The following HACD3 variants were observed in gnomAD, a reference collection of about 807,000 sequenced individuals.
HACD3 encodes 3-hydroxyacyl-CoA dehydratase 3.
A neutral mutation model predicts 55.2 loss-of-function variants in HACD3; 30 were observed. The ratio of observed to expected loss-of-function variants is 0.54; its 90% CI spans 0.41 to 0.74. The LOEUF is 0.74. Among genes scored for constraint, HACD3 ranks in the 30% least tolerant of loss-of-function variants. HACD3 has a pLI of 0.00. For synonymous variants in HACD3, 141 were observed against 151.7 expected (o/e 0.93, Z 0.52); for missense variants, 363 against 440.1 (o/e 0.82, Z 1.57).
intron 1 of HACD3, among the ~76,000 whole-genome samples, chr15:65,539,794 C>T (rs537161625): frequency 9.9e-4 from 150 of 150,844 alleles, no homozygotes; most frequent in Admixed American, 3.9e-3. Flanking sequence ...GAAACAGAAC[C>T]ATCTTTATAG....
intron 5 of HACD3, 23 bp downstream of exon 5, chr15:65,558,754 T>A: frequency 6.3e-7 from 1 of 1,589,670 alleles, no homozygotes; most frequent in East Asian, 2.3e-5. Context: ...GCTGCCATGG[T>A]AGTTACCAGT....
At chr15:65,538,070 A>C (rs547479616) in intron 1 of HACD3, among the ~76,000 whole-genome samples, 15 of 150,256 alleles carry the variant, frequency 1.0e-4, no homozygotes, top group Admixed American at 4.0e-4. Context: ...GCTGATGGAA[A>C]TGTCAAGGAG....
At chr15:65,555,027 G>A in intron 3 of HACD3, 67 bp downstream of exon 3, 1 of 1,240,964 alleles carries the variant, frequency 8.1e-7, no homozygotes, top group Non-Finnish European at 1.2e-6. Context: ...TTAGTGAAAT[G>A]GGGAGCAGGG....
chr15:65,537,785 T>A (rs1298840440), intron 1 of HACD3, among the ~76,000 whole-genome samples: 1 of 5,230 alleles, frequency 1.9e-4, no homozygotes, highest in Non-Finnish European at 3.3e-4. Context: ...AGAGAGAGAC[T>A]CTGTCTCAAA....
At chr15:65,558,814 G>C in intron 5 of HACD3, 83 bp downstream of exon 5, 1 of 1,472,066 alleles carries the variant, frequency 6.8e-7, no homozygotes. Flanking sequence ...TGGCAGGAGA[G>C]CTAATGATTT....
chr15:65,543,597 C>T (rs551874888), intron 1 of HACD3, among the ~76,000 whole-genome samples: 3 of 152,180 alleles, frequency 2.0e-5, no homozygotes, highest in South Asian at 2.1e-4. Flanking sequence ...TTTTTAAATT[C>T]CTAGCTAGCC....
chr15:65,554,807 G>A (rs1046181176), intron 2 of HACD3, 80 bp from the exon 3 acceptor site: 1 of 984,352 alleles, frequency 1.0e-6, no homozygotes, highest in Admixed American at 2.0e-5. Flanking sequence ...CGCATACTTG[G>A]GAAAGAACTG....
At chr15:65,538,488 G>T (rs1596204031) in intron 1 of HACD3, among the ~76,000 whole-genome samples, 1 of 152,292 alleles carries the variant, frequency 6.6e-6, no homozygotes, top group Non-Finnish European at 1.5e-5. Flanking sequence ...GATAAAACTT[G>T]AAGGGATGAG....
chr15:65,547,144 TCTCA>T (rs2072085746), intron 1 of HACD3, among the ~76,000 whole-genome samples: 2 of 149,550 alleles, frequency 1.3e-5, no homozygotes, highest in Non-Finnish European at 3.0e-5. Flanking sequence ...TGAGACGGAG[TCTCA>T]CTCTGTCACC....
intron 5 of HACD3, among the ~76,000 whole-genome samples, chr15:65,558,960 G>A (rs994646529): frequency 2.0e-5 from 3 of 152,198 alleles, no homozygotes; most frequent in Non-Finnish European, 2.9e-5. Context: ...AGTACACCAA[G>A]GCTAGTGTAG....
chr15:65,568,169 G>C (rs150615589), intron 7 of HACD3, among the ~76,000 whole-genome samples: 1 of 151,778 alleles, frequency 6.6e-6, no homozygotes, highest in Non-Finnish European at 1.5e-5. Flanking sequence ...TGATCTACCC[G>C]CCTCGGCCTT....
chr15:65,556,634 A>G, intron 3 of HACD3, 105 bp from the exon 4 acceptor site: 1 of 1,198,940 alleles, frequency 8.3e-7, no homozygotes, highest in East Asian at 2.6e-5. Context: ...CCAGAGAAAG[A>G]AGGAGAATAA....
intron 1 of HACD3, among the ~76,000 whole-genome samples, chr15:65,543,973 A>G (rs944626389): frequency 1.4e-4 from 21 of 152,034 alleles, no homozygotes; most frequent in African/African-American, 4.8e-4. Flanking sequence ...TCAGGAGATC[A>G]AGACCATCCT....
intron 1 of HACD3, among the ~76,000 whole-genome samples, chr15:65,546,425 T>G (rs2072077845): frequency 6.6e-6 from 1 of 152,172 alleles, no homozygotes; most frequent in Admixed American, 6.5e-5. Context: ...GTATGATGTC[T>G]GCAGCTCATT....
intron 2 of HACD3, chr15:65,553,332 G>A (rs955172596): frequency 8.6e-5 from 13 of 151,614 alleles, no homozygotes; most frequent in African/African-American, 3.2e-4. Context: ...CACTCTAGAT[G>A]ATGTCTCAGG....
At chr15:65,559,515 G>A (rs567951094) in intron 5 of HACD3, among the ~76,000 whole-genome samples, 1 of 150,638 alleles carries the variant, frequency 6.6e-6, no homozygotes, top group South Asian at 2.1e-4. Context: ...TAAGGGAGGG[G>A]AAAGTTTTGG....
chr15:65,573,123 C>T (rs1297387612), intron 10 of HACD3, among the ~76,000 whole-genome samples: 2 of 151,912 alleles, frequency 1.3e-5, no homozygotes, highest in East Asian at 3.9e-4. Flanking sequence ...TAAAGCCTTC[C>T]ACCTCACAAT....
chr15:65,551,549 C>T lies in HACD3; in HGVS notation c.88-127C>T, dbSNP rs1337087765. On this transcript the variant is annotated intron_variant, in intron 1 of 10. Transcript: ENST00000261875. ...TGTGAATAAATGACTAAATATATTT[C>T]TGGGGGAGGCACAGAGTAGGAGTTT... The T allele has an allele frequency of 6.1e-6, 6 of 990,254 alleles. No individual in the cohort carries two copies. The South Asian group carries it at 6.9e-5, about 11-fold the overall frequency. 61.3% of individuals were successfully genotyped at this position (990,254 alleles called of 1,614,324 possible).
intron 3 of HACD3, among the ~76,000 whole-genome samples, chr15:65,555,679 A>G (rs142993903): frequency 6.6e-6 from 1 of 152,212 alleles, no homozygotes; most frequent in East Asian, 1.9e-4. Flanking sequence ...GGGACAGGAC[A>G]TGTAGACAAA....
Sources: gnomAD v4.1 joint callset for allele counts (sites outside exome capture counted in the v4.1 genomes callset) on GRCh38, gnomAD v4.1.1 for gene constraint, MANE v1.5 for transcripts, NCBI Gene and HGNC (gene_info 2026-07-23, HGNC 2026-07-21) for gene names.